The following PPM1L variants were observed in gnomAD, a reference collection of about 807,000 sequenced individuals.
The protein encoded by PPM1L is protein phosphatase 1L.
In PPM1L, 13 loss-of-function variants were observed where a neutral mutation model predicts 31.4. That is an observed-to-expected ratio of 0.41 (90% CI 0.27 to 0.66). The LOEUF (loss-of-function observed/expected upper bound fraction) is 0.66, where lower values mean the gene tolerates loss of function less well. Ranked by LOEUF, PPM1L falls within the 30% of genes least tolerant of loss-of-function variation. The pLI is 0.29. For missense variants in PPM1L, 326 were observed against 453.7 expected (o/e 0.72, Z 2.56); for synonymous variants, 184 against 175.4 (o/e 1.05, Z -0.39).
intron 1 of PPM1L, among the ~76,000 whole-genome samples, chr3:160,772,463 G>T (rs1715282452): frequency 6.6e-6 from 1 of 152,182 alleles, no homozygotes; most frequent in Non-Finnish European, 1.5e-5. Context: ...AGCCTCCATG[G>T]TGGCTTTATG....
At position 160,783,374 on chromosome 3, in the gene PPM1L, C is replaced by T. The variant is rs192658622; in HGVS notation, c.399+26667C>T. ...CAGCATTTTGGGAAGCCAAGGCGGGCGGATGACCTGAGGTCAGGAGTTTGA... is the reference window on the plus strand; with the variant it reads ...CAGCATTTTGGGAAGCCAAGGCGGGTGGATGACCTGAGGTCAGGAGTTTGA... On this transcript the variant is annotated intron_variant, in intron 1 of 3. Transcript: ENST00000498165. 4.0e-3 allele frequency among the ~76,000 whole-genome samples: 601 copies of T among 152,060 alleles called. 5 individuals carry two copies. Among genetic ancestry groups the T allele is most frequent in the African/African-American group, 0.013 (543 of 41,494 alleles).
At chr3:161,056,341 A>C (rs949451790) in intron 2 of PPM1L, among the ~76,000 whole-genome samples, 1 of 152,160 alleles carries the variant, frequency 6.6e-6, no homozygotes, top group African/African-American at 2.4e-5. Flanking sequence ...TATTCCTCTG[A>C]GTCCTTTTCC....
chr3:160,757,541 G>A (rs551609178), intron 1 of PPM1L, among the ~76,000 whole-genome samples: 1 of 152,362 alleles, frequency 6.6e-6, no homozygotes, highest in East Asian at 1.9e-4. Context: ...GTGGCACCCG[G>A]GTTGTGCGCT....
Position 160,896,549 on chromosome 3 carries a change from A to G in PPM1L, c.400-65187A>G, listed in dbSNP as rs555061177. ...TAAAAATGTGTTGCCTTAAAGACTG[A>G]AGACATGTTCAAGATGGCAAAAAGA... On this transcript the variant is annotated intron_variant, in intron 1 of 3. Transcript: ENST00000498165. 3.9e-5 allele frequency among the ~76,000 whole-genome samples: 6 copies of G among 152,318 alleles called. No individual in the cohort carries two copies. The East Asian group carries it at 9.6e-4, about 24-fold the overall frequency.
chr3:160,947,177 A>G (rs893453686), intron 1 of PPM1L, among the ~76,000 whole-genome samples: 1 of 152,196 alleles, frequency 6.6e-6, no homozygotes, highest in Admixed American at 6.5e-5. Context: ...ATGAAAAGAA[A>G]TTCGGAAACT....
At chr3:160,866,367 T>A (rs1191880080) in intron 1 of PPM1L, among the ~76,000 whole-genome samples, 1 of 152,232 alleles carries the variant, frequency 6.6e-6, no homozygotes, top group East Asian at 1.9e-4. Context: ...AGTAAAGCCA[T>A]ACATAGTCCA....
chr3:160,925,450 C>A (rs1433365059), intron 1 of PPM1L, among the ~76,000 whole-genome samples: 1 of 152,102 alleles, frequency 6.6e-6, no homozygotes, highest in African/African-American at 2.4e-5. Flanking sequence ...TTGAGTTTGG[C>A]ATATTGTTCT....
intron 1 of PPM1L, among the ~76,000 whole-genome samples, chr3:160,901,923 G>A (rs181311533): frequency 1.3e-3 from 201 of 152,104 alleles, no homozygotes; most frequent in African/African-American, 4.7e-3. Context: ...GGTCTCATTT[G>A]TTCATTTTGT....
intron 1 of PPM1L, among the ~76,000 whole-genome samples, chr3:160,817,408 T>A (rs1476713488): frequency 6.6e-6 from 1 of 151,976 alleles, no homozygotes. Flanking sequence ...AGAGCAGTGG[T>A]ATTGGTGAGT....
rs1279931957 is a variant in PPM1L, at chr3:160,756,742, G to A, written c.399+35G>A. On this transcript the variant is annotated intron_variant, in intron 1 of 3. Transcript: ENST00000498165. This position sits in a 1 kb window ranked among gnomAD's most constrained non-coding sequence, Gnocchi z 6.2. ...ACCCCGGGGCTTTGTATTTGTGTCC[G>A]TGTATGTCTCGTGTGTGTGTGTGTG... 11 of 1,527,576 alleles carry A rather than the reference G, an allele frequency of 7.2e-6. No homozygotes were observed. The highest frequency in any genetic ancestry group is 3.0e-5 in the African/African-American group (2 of 66,358). The allele number at this position is 1,527,576 out of a possible 1,614,324, so 94.6% of individuals were successfully genotyped here. A position where few individuals can be genotyped will look rare whatever the true frequency, so the allele number is the denominator to read the frequency against.
intron 1 of PPM1L, among the ~76,000 whole-genome samples, chr3:160,862,356 C>G (rs1302319075): frequency 1.3e-5 from 2 of 152,098 alleles, no homozygotes; most frequent in Non-Finnish European, 2.9e-5. Flanking sequence ...AACTTCTGGG[C>G]TGTGCACATT....
chr3:160,989,409 T>A (rs1184435690), intron 2 of PPM1L, among the ~76,000 whole-genome samples: 1 of 124,674 alleles, frequency 8.0e-6, no homozygotes, highest in African/African-American at 3.3e-5. Flanking sequence ...TTTAAAACAA[T>A]TTTTTTTTTT....
At chr3:161,057,398 C>T (rs1325301251) in intron 2 of PPM1L, among the ~76,000 whole-genome samples, 1 of 151,976 alleles carries the variant, frequency 6.6e-6, no homozygotes, top group Non-Finnish European at 1.5e-5. Context: ...AATCGAGTGC[C>T]AGAATGGGTA....
At chr3:160,836,323 A>C (rs974845436) in intron 1 of PPM1L, among the ~76,000 whole-genome samples, 1 of 147,542 alleles carries the variant, frequency 6.8e-6, no homozygotes, top group Non-Finnish European at 1.5e-5. Context: ...AGGAAGAGAG[A>C]GAGAGAGAGA....
chr3:161,022,533 A>G (rs186111818), intron 2 of PPM1L: 367 of 175,378 alleles, frequency 2.1e-3, no homozygotes, highest in African/African-American at 8.4e-3. Flanking sequence ...GTGGATTCAA[A>G]TCACTGTTTA....
chr3:160,830,665 A>G (rs1258348876), intron 1 of PPM1L, among the ~76,000 whole-genome samples: 1 of 152,168 alleles, frequency 6.6e-6, no homozygotes, highest in Admixed American at 6.6e-5. Context: ...GTCAGAGTCT[A>G]TCCTCAGTCT....
intron 1 of PPM1L, among the ~76,000 whole-genome samples, chr3:160,897,786 C>G (rs2108051020): frequency 6.6e-6 from 1 of 152,338 alleles, no homozygotes; most frequent in South Asian, 2.1e-4. Context: ...AAGCTCCAGT[C>G]TAAACTATCC....
intron 2 of PPM1L, among the ~76,000 whole-genome samples, chr3:161,013,672 G>T (rs1717972347): frequency 6.6e-6 from 1 of 152,058 alleles, no homozygotes; most frequent in South Asian, 2.1e-4. Flanking sequence ...TCTCTTTGTA[G>T]GTCTCTAAGG....
intron 2 of PPM1L, among the ~76,000 whole-genome samples, chr3:161,060,410 G>A (rs12494133): frequency 6.6e-6 from 1 of 151,994 alleles, no homozygotes; most frequent in Non-Finnish European, 1.5e-5. Flanking sequence ...GGTCATGCAG[G>A]ACTTGCCACC....
Sources: allele counts gnomAD v4.1 joint callset (sites outside exome capture counted in the v4.1 genomes callset), GRCh38; gene constraint gnomAD v4.1.1; non-coding constraint Gnocchi (gnomAD v3.1); transcripts MANE v1.5; gene names NCBI Gene and HGNC (gene_info 2026-07-23, HGNC 2026-07-21).